AMOTL1: variants seen among roughly 807,000 people sequenced by gnomAD.
AMOTL1 encodes the protein angiomotin like 1, also known as angiomotin-like protein 1.
In AMOTL1, 45 loss-of-function variants were observed where a neutral mutation model predicts 102.9. The observed-to-expected ratio is 0.44, with a 90% CI of 0.34 to 0.56. The LOEUF is 0.56. AMOTL1 is among the 20% of genes least tolerant of loss of function. The pLI is 0.01. For missense variants in AMOTL1, 1,114 were observed against 1,225.6 expected (o/e 0.91, Z 1.36); for synonymous variants, 481 against 484.7 (o/e 0.99, Z 0.10).
At chr11:94,761,932 G>A (rs1950798849) in intron 3 of AMOTL1, among the ~76,000 whole-genome samples, 1 of 152,178 alleles carries the variant, frequency 6.6e-6, no homozygotes, top group Non-Finnish European at 1.5e-5. Context: ...GAAAATATAT[G>A]TTTTCAGTAT....
At position 94,791,883 on chromosome 11, in the gene AMOTL1, G is replaced by A. The variant is rs990361114; in HGVS notation, c.50-3128G>A. Among the ~76,000 whole-genome samples the A allele has an allele frequency of 8.5e-5, 13 of 152,212 alleles. 1 individual carries two copies. Among genetic ancestry groups the A allele is most frequent in the Admixed American group, 2.0e-4 (3 of 15,286 alleles). ...AAAGTAGACTCAATTTGTGTTGCAGGAGTTCCCAGTGAAGACAGTGAATTA... is the reference window on the plus strand; with the variant it reads ...AAAGTAGACTCAATTTGTGTTGCAGAAGTTCCCAGTGAAGACAGTGAATTA... On this transcript the variant is annotated intron_variant, in intron 1 of 12. Coordinates refer to ENST00000433060, the MANE Select transcript of AMOTL1 (RefSeq NM_130847.3).
At chr11:94,750,963 G>A (rs1424726799) in intron 3 of AMOTL1, among the ~76,000 whole-genome samples, 1 of 152,166 alleles carries the variant, frequency 6.6e-6, no homozygotes, top group Non-Finnish European at 1.5e-5. Flanking sequence ...AGGAAACAGA[G>A]GCTCAGAGAG....
chr11:94,800,356 A>G lies in AMOTL1; in HGVS notation c.1121+45A>G, dbSNP rs185551451. On this transcript the variant is annotated intron_variant, in intron 3 of 12. Transcript: ENST00000433060. ...GTTTCGTGCGGCTTTTCAAAATTCA[A>G]TAGTCATGTTATTAGCATTTATTAT... is the stretch of plus-strand genomic sequence containing the variant. 496 of 1,508,286 alleles carry G rather than the reference A, an allele frequency of 3.3e-4. 2 individuals carry two copies. In the African/African-American group the frequency reaches 5.4e-3, roughly 17 times the overall value. The allele number at this position is 1,508,286 out of a possible 1,614,324, so 93.4% of individuals were successfully genotyped here. A position where few individuals can be genotyped will look rare whatever the true frequency, so the allele number is the denominator to read the frequency against.
At chr11:94,797,298 C>T (rs1231606139) in intron 2 of AMOTL1, among the ~76,000 whole-genome samples, 1 of 152,172 alleles carries the variant, frequency 6.6e-6, no homozygotes, top group Non-Finnish European at 1.5e-5. Context: ...GGTAGAATTT[C>T]TACTTTCATA....
chr11:94,810,188 T>C (rs1387934697), intron 3 of AMOTL1, among the ~76,000 whole-genome samples: 1 of 152,114 alleles, frequency 6.6e-6, no homozygotes, highest in Non-Finnish European at 1.5e-5. Context: ...TACAGGGAGA[T>C]TAAAAATGGA....
Position 94,854,100 on chromosome 11 carries a change from G to A in AMOTL1, c.1944+18G>A. ...CCCAGCAGGTAAGGAACTGGGCATG[G>A]ACTGGTGAAAGAATTAGATATGTTC... On this transcript the variant is annotated intron_variant, in intron 8 of 12. Transcript: ENST00000433060. 1 of 1,520,378 alleles carries A rather than the reference G, an allele frequency of 6.6e-7. No individual in the cohort carries two copies. Among genetic ancestry groups the A allele is most frequent in the Non-Finnish European group, 8.9e-7 (1 of 1,129,772 alleles). 94.2% of individuals were successfully genotyped at this position (1,520,378 alleles called of 1,614,324 possible). A position where few individuals can be genotyped will look rare whatever the true frequency, so the allele number is the denominator to read the frequency against.
At chr11:94,816,612 A>T (rs997358608) in intron 3 of AMOTL1, among the ~76,000 whole-genome samples, 19 of 150,728 alleles carry the variant, frequency 1.3e-4, no homozygotes, top group Non-Finnish European at 2.5e-4. Context: ...CTGAGATTAA[A>T]TTTTTTTTTT....
intron 2 of AMOTL1, among the ~76,000 whole-genome samples, chr11:94,730,563 C>T (rs1180268947): frequency 6.6e-6 from 1 of 152,164 alleles, no homozygotes; most frequent in Non-Finnish European, 1.5e-5. Flanking sequence ...TCCTGAACAG[C>T]CTGTGTGCTT....
At chr11:94,862,032 G>A (rs2135732393) in intron 9 of AMOTL1, among the ~76,000 whole-genome samples, 1 of 152,256 alleles carries the variant, frequency 6.6e-6, no homozygotes, top group South Asian at 2.1e-4. Flanking sequence ...AGTTCTGTGG[G>A]ATTTACCCAG....
chr11:94,791,019 T>C (rs1951276449), intron 1 of AMOTL1, among the ~76,000 whole-genome samples: 2 of 152,192 alleles, frequency 1.3e-5, no homozygotes, highest in South Asian at 2.1e-4. Flanking sequence ...GGGAAAATAG[T>C]CTTGCTCAGA....
intron 3 of AMOTL1, chr11:94,741,108 A>T: frequency 1.2e-6 from 1 of 834,036 alleles, no homozygotes; most frequent in Middle Eastern, 2.7e-4. Context: ...GGCGGAGGGA[A>T]AGGGTCAGGG....
At chr11:94,734,801 G>A (rs747866401) in intron 2 of AMOTL1, among the ~76,000 whole-genome samples, 6 of 152,214 alleles carry the variant, frequency 3.9e-5, no homozygotes, top group African/African-American at 1.2e-4. Context: ...GCAGAGAGAT[G>A]ACTCAGCTCA....
chr11:94,869,239 C>G lies in AMOTL1; in HGVS notation c.2530C>G (p.Pro844Ala). The change falls in exon 12 of 13, where the codon CCA (proline) becomes GCA (alanine). Residue 844 changes from proline (P) to alanine (A), a missense_variant. Coordinates refer to ENST00000433060, the MANE Select transcript of AMOTL1 (RefSeq NM_130847.3). The part of the protein sequence containing the change: ...GKEHHEHASA[P>A]LLPPPPTSAL... The stretch of plus-strand genomic sequence containing the variant: ...GGAGCACCATGAGCATGCCTCTGCC[C>G]CACTGCTGCCACCCCCACCCACCTC... 1.2e-6 allele frequency: 2 copies of G among 1,612,350 alleles called. No individual in the cohort carries two copies. Among genetic ancestry groups the G allele is most frequent in the Non-Finnish European group, 1.7e-6 (2 of 1,178,644 alleles).
At chr11:94,789,538 T>G (rs1240745610) in intron 1 of AMOTL1, among the ~76,000 whole-genome samples, 1 of 152,226 alleles carries the variant, frequency 6.6e-6, no homozygotes, top group Non-Finnish European at 1.5e-5. Context: ...CCCTTAAGAT[T>G]GTGAATCAGC....
intron 3 of AMOTL1, among the ~76,000 whole-genome samples, chr11:94,815,806 G>T (rs1047367973): frequency 6.6e-6 from 1 of 152,070 alleles, no homozygotes; most frequent in Non-Finnish European, 1.5e-5. Flanking sequence ...AAAGAATCTT[G>T]TATGGTAAAT....
intron 6 of AMOTL1, among the ~76,000 whole-genome samples, chr11:94,845,147 G>C (rs545425880): frequency 8.5e-5 from 13 of 152,316 alleles, no homozygotes; most frequent in African/African-American, 3.1e-4. Flanking sequence ...AGGGTCGTCT[G>C]TCCCATGGAT....
chr11:94,760,420 G>A, intron 3 of AMOTL1, among the ~76,000 whole-genome samples: 1 of 152,162 alleles, frequency 6.6e-6, no homozygotes, highest in East Asian at 1.9e-4. Context: ...GGCCATCCCT[G>A]CATCCTCAGC....
At chr11:94,736,918 A>G (rs1950446347) in intron 2 of AMOTL1, among the ~76,000 whole-genome samples, 1 of 152,240 alleles carries the variant, frequency 6.6e-6, no homozygotes, top group African/African-American at 2.4e-5. Flanking sequence ...GAAGCATGGT[A>G]AATTCCCAAT....
At chr11:94,751,055 G>A (rs1170527220) in intron 3 of AMOTL1, among the ~76,000 whole-genome samples, 11 of 152,074 alleles carry the variant, frequency 7.2e-5, no homozygotes, top group East Asian at 1.9e-4. Context: ...AGCCAGTTTC[G>A]GTTTTCTAGG....
Sources: gnomAD v4.1 joint callset for allele counts (sites outside exome capture counted in the v4.1 genomes callset) on GRCh38, gnomAD v4.1.1 for gene constraint, MANE v1.5 for transcripts, NCBI Gene and HGNC (gene_info 2026-07-23, HGNC 2026-07-21) for gene names.